RBM22: variants seen among roughly 807,000 people sequenced by gnomAD.
RBM22 encodes pre-mRNA-splicing factor RBM22.
Under a neutral mutation model 50.1 loss-of-function variants are expected in RBM22, and 1 was observed. The ratio of observed to expected loss-of-function variants is 0.02; its 90% CI spans 0.01 to 0.09. RBM22 has a LOEUF of 0.09. Among genes scored for constraint, RBM22 ranks in the 10% least tolerant of loss-of-function variants. The pLI, the probability that RBM22 is intolerant of heterozygous loss-of-function variation, is 1.00. For missense variants in RBM22, 264 were observed against 529.3 expected (o/e 0.50, Z 4.92); for synonymous variants, 152 against 179.0 (o/e 0.85, Z 1.20).
In RBM22 at chr5:150,696,763, G is replaced by A. The variant is rs760522758; in HGVS notation, c.372+28C>T. 1.9e-6 allele frequency: 3 copies of A among 1,613,402 alleles called. No individual in the cohort carries two copies. Among genetic ancestry groups the A allele is most frequent in the Non-Finnish European group, 2.5e-6 (3 of 1,179,518 alleles). On this transcript the variant is annotated intron_variant, in intron 5 of 10. Coordinates refer to ENST00000199814, the MANE Select transcript of RBM22 (RefSeq NM_018047.3). The surrounding 1 kb of genome is among the most constrained non-coding windows in gnomAD (Gnocchi z 4.3). Reference sequence around the variant, plus strand: ...TATACAGACTGTGTCAATTCATTAGGATTTTTATCCAAAAAGTGGCAGCAT... The same window carrying A: ...TATACAGACTGTGTCAATTCATTAGAATTTTTATCCAAAAAGTGGCAGCAT...
At position 150,696,667 on chromosome 5, in the gene RBM22, C is replaced by T. The variant is rs1467783663; in HGVS notation, c.411G>A (p.Leu137=). The change falls in exon 6 of 11, where the codon CTG becomes CTA. Residue 137 remains leucine (L), a synonymous_variant. Coordinates refer to ENST00000199814, the MANE Select transcript of RBM22 (RefSeq NM_018047.3). This position sits in a 1 kb window ranked among gnomAD's most constrained non-coding sequence, Gnocchi z 4.3. ...NSDGTRPVGM[L]GKATSTSDML... ...TGTCACTGGTAGATGTGGCTTTCCCCAGCATGCCAACTGGCCGTGTTCCAT... is the reference window on the plus strand; with the variant it reads ...TGTCACTGGTAGATGTGGCTTTCCCTAGCATGCCAACTGGCCGTGTTCCAT... The T allele has an allele frequency of 3.1e-6, 5 of 1,614,182 alleles. No individual in the cohort carries two copies. Among genetic ancestry groups the T allele is most frequent in the Non-Finnish European group, 4.2e-6 (5 of 1,180,034 alleles).
chr5:150,700,742 C>T (rs1759337176), intron 1 of RBM22, 190 bp downstream of exon 1: 1 of 1,539,450 alleles, frequency 6.5e-7, no homozygotes, highest in Non-Finnish European at 8.7e-7. Flanking sequence ...GGTCCCGGGA[C>T]CCTGGCTAAG....
intron 7 of RBM22, chr5:150,694,889 C>T (rs1272120928): frequency 6.6e-6 from 1 of 152,586 alleles, no homozygotes; most frequent in Non-Finnish European, 1.5e-5. Flanking sequence ...ATTTAAACCA[C>T]AAGAGTTTTA....
intron 7 of RBM22, 145 bp from the exon 8 acceptor site, chr5:150,694,385 C>A: frequency 7.7e-7 from 1 of 1,305,308 alleles, no homozygotes; most frequent in Non-Finnish European, 1.0e-6. Context: ...GGTCTCCACC[C>A]CATATCTTGT....
intron 3 of RBM22, among the ~76,000 whole-genome samples, chr5:150,699,009 C>T (rs146629200): frequency 6.6e-6 from 1 of 152,252 alleles, no homozygotes; most frequent in African/African-American, 2.4e-5. Flanking sequence ...ACCTGGTGTA[C>T]AAACTCCTCC....
In RBM22 at chr5:150,694,064, T is replaced by C. The variant is rs1479422979; in HGVS notation, c.911+12A>G. On this transcript the variant is annotated intron_variant, in intron 8 of 10. Coordinates refer to ENST00000199814, the MANE Select transcript of RBM22 (RefSeq NM_018047.3). ...TAAGCAAAATGTCACTTAAAAATAG[T>C]TTAATTCTCACCTTCCCCATTTCAC... 2 of 1,607,474 alleles carry C rather than the reference T, an allele frequency of 1.2e-6. No homozygotes were observed. Among genetic ancestry groups the C allele is most frequent in the Non-Finnish European group, 1.7e-6 (2 of 1,177,546 alleles).
chr5:150,699,094 C>T, intron 3 of RBM22, 148 bp downstream of exon 3: 1 of 1,146,346 alleles, frequency 8.7e-7, no homozygotes, highest in Non-Finnish European at 1.2e-6. Context: ...TAAACAGTTG[C>T]CAGCCAATGA....
rs1322464954 is a variant in RBM22 at position 150,693,320 on chromosome 5, C to T, written c.912-13G>A. ...GGCTGCCTGGGATCTGGGAAACACA[C>T]ATGCATACAGTCGGCACTCTGGCCC... On this transcript the variant is annotated splice_polypyrimidine_tract_variant and intron_variant, in intron 8 of 10. Transcript: ENST00000199814. 1.2e-6 allele frequency: 2 copies of T among 1,604,474 alleles called. No homozygotes were observed. The highest frequency in any genetic ancestry group is 1.7e-6 in the Non-Finnish European group (2 of 1,173,144).
chr5:150,700,932 C>T lies in RBM22; in HGVS notation c.54G>A (p.Ala18=), dbSNP rs1474867376. 2 of 1,614,246 alleles carry T rather than the reference C, an allele frequency of 1.2e-6. No individual in the cohort carries two copies. Among genetic ancestry groups the T allele is most frequent in the Non-Finnish European group, 8.5e-7 (1 of 1,180,046 alleles). ...ATCCTCCTCCGGCAGGCACACTCAC[C>T]GCATCCTCCCAGTTCTGCCTGTTGT... The part of the protein sequence containing the change: ...NTYNRQNWED[A]DFPILCQTCL... The change falls in exon 1 of 11, where the codon GCG becomes GCA. Residue 18 remains alanine (A), a splice_region_variant and synonymous_variant. Coordinates refer to ENST00000199814, the MANE Select transcript of RBM22 (RefSeq NM_018047.3).
rs1227305310 is a variant in RBM22 at position 150,693,249 on chromosome 5, T to G, written c.970A>C (p.Lys324Gln). The change falls in exon 9 of 11, where the codon AAA (lysine) becomes CAA (glutamine). Residue 324 changes from lysine to glutamine, a missense_variant. By Grantham distance (53) the Lys-to-Gln change is moderately conservative (BLOSUM62 1). Around this residue, in one of 7 missense-constraint regions of RBM22, gnomAD observed 106 missense variants for 137.1 expected, o/e 0.77. Coordinates refer to ENST00000199814, the MANE Select transcript of RBM22 (RefSeq NM_018047.3). ...EKDGTTDSGIKLEPVPGLPGA... is the reference protein window; with the variant it reads ...EKDGTTDSGIQLEPVPGLPGA... The stretch of plus-strand genomic sequence containing the variant: ...GGCAATCCTGGAACAGGTTCTAGTT[T>G]GATCCCAGAGTCTGTAGTTCCATCT... 4 of 1,614,086 alleles carry G rather than the reference T, an allele frequency of 2.5e-6. No homozygotes were observed. The South Asian group carries it at 4.4e-5, about 18-fold the overall frequency.
intron 2 of RBM22, 80 bp downstream of exon 2, chr5:150,700,364 C>A: frequency 7.2e-7 from 1 of 1,392,096 alleles, no homozygotes; most frequent in South Asian, 1.2e-5. Flanking sequence ...TTCTGCTTGT[C>A]TAAGAGAAAC....
chr5:150,700,384 T>C (rs1759330164), intron 2 of RBM22, 60 bp downstream of exon 2: 11 of 1,485,898 alleles, frequency 7.4e-6, no homozygotes, highest in South Asian at 2.3e-5. Context: ...CACTTCACAG[T>C]GTGCAAGTAC....
At chr5:150,692,851 T>C (rs776566520) in intron 10 of RBM22, 44 bp downstream of exon 10, 3 of 1,539,994 alleles carry the variant, frequency 1.9e-6, no homozygotes, top group Non-Finnish European at 2.6e-6. Context: ...GAGACAGAAC[T>C]TTCACAAGGA....
At chr5:150,693,931 T>A in intron 8 of RBM22, 145 bp downstream of exon 8, 1 of 1,066,320 alleles carries the variant, frequency 9.4e-7, no homozygotes, top group East Asian at 2.6e-5. Context: ...GAATCAAGTA[T>A]CACATAGAGA....
At chr5:150,695,394 A>T (rs1759262831) in intron 7 of RBM22, 112 bp downstream of exon 7, 4 of 929,138 alleles carry the variant, frequency 4.3e-6, no homozygotes, top group Non-Finnish European at 6.5e-6. Flanking sequence ...AACAATAGAG[A>T]GACTACAGAA....
At chr5:150,695,349 G>A (rs1759262116) in intron 7 of RBM22, 157 bp downstream of exon 7, 1 of 670,494 alleles carries the variant, frequency 1.5e-6, no homozygotes, top group South Asian at 1.9e-5. Context: ...CACCATAAAG[G>A]ACAATTTTAC....
chr5:150,693,918 C>T (rs1216441442), intron 8 of RBM22, among the ~76,000 whole-genome samples, 158 bp downstream of exon 8: 2 of 152,210 alleles, frequency 1.3e-5, no homozygotes, highest in East Asian at 3.8e-4. Context: ...CCAACATCCA[C>T]AGGAATCAAG....
At position 150,693,221 on chromosome 5, in the gene RBM22, C is replaced by G. The variant is rs749141081; in HGVS notation, c.998G>C (p.Gly333Ala). ...GTCAGCAGGGAGTCTGCACTCACCTCCTGGCAATCCTGGAACAGGTTCTAG... is the reference window on the plus strand; with the variant it reads ...GTCAGCAGGGAGTCTGCACTCACCTGCTGGCAATCCTGGAACAGGTTCTAG... ...IKLEPVPGLPGALPPPPAAEE... is the reference protein window; with the variant it reads ...IKLEPVPGLPAALPPPPAAEE... The change falls in exon 9 of 11, where the codon GGA (glycine) becomes GCA (alanine). Residue 333 changes from glycine to alanine, a missense_variant and splice_region_variant. Physicochemically the swap from Gly to Ala is moderately conservative, Grantham distance 60. This residue lies in a region of RBM22 where 106 missense variants were observed against 137.1 expected (regional missense o/e 0.77). Transcript: ENST00000199814. 2 of 1,612,628 alleles carry G rather than the reference C, an allele frequency of 1.2e-6. No homozygotes were observed. Among genetic ancestry groups the G allele is most frequent in the Non-Finnish European group, 1.7e-6 (2 of 1,178,706 alleles).
Position 150,696,947 on chromosome 5 carries a change from T to C in RBM22, c.272-56A>G. ...GATGTATTTTAAAACATATCCATAC[T>C]AACCATGCACACAGAATACATCATC... On this transcript the variant is annotated intron_variant, in intron 4 of 10. Transcript: ENST00000199814. This position sits in a 1 kb window ranked among gnomAD's most constrained non-coding sequence, Gnocchi z 4.3. The C allele has an allele frequency of 6.7e-7, 1 of 1,484,960 alleles. No individual in the cohort carries two copies. The highest frequency in any genetic ancestry group is 1.7e-4 in the Middle Eastern group (1 of 5,764). 92.0% of individuals were successfully genotyped at this position (1,484,960 alleles called of 1,614,324 possible). A position where few individuals can be genotyped will look rare whatever the true frequency, so the allele number is the denominator to read the frequency against.
Sources: gnomAD v4.1 joint callset for allele counts (sites outside exome capture counted in the v4.1 genomes callset) on GRCh38, gnomAD v4.1.1 for gene constraint, gnomAD v4.1.1 regional missense constraint, Gnocchi (gnomAD v3.1) non-coding constraint, MANE v1.5 for transcripts, NCBI Gene and HGNC (gene_info 2026-07-23, HGNC 2026-07-21) for gene names.